BCL2: variants seen among roughly 807,000 people sequenced by gnomAD.
The protein encoded by BCL2 is BCL2 apoptosis regulator, also known as apoptosis regulator Bcl-2.
BCL2 carries 1 observed loss-of-function variant against 14.2 expected under a neutral mutation model. The observed-to-expected ratio is 0.07, with a 90% CI of 0.02 to 0.33. BCL2 has a LOEUF of 0.33. BCL2 is among the 10% of genes least tolerant of loss of function. The pLI is 0.99. For synonymous variants in BCL2, 151 were observed against 137.2 expected, an observed-to-expected ratio of 1.10 and a Z score of -0.70; for missense variants, 247 against 305.9, an observed-to-expected ratio of 0.81 and a Z score of 1.44.
intron 2 of BCL2, among the ~76,000 whole-genome samples, chr18:63,169,307 T>TTC (rs1915142189): frequency 1.6e-4 from 12 of 73,994 alleles, no homozygotes; most frequent in Non-Finnish European, 2.4e-4. Context: ...TTTCTTTCTT[T>TTC]CTTCCTTCCT....
At chr18:63,242,011 C>A (rs1272135689) in intron 2 of BCL2, among the ~76,000 whole-genome samples, 2 of 152,180 alleles carry the variant, frequency 1.3e-5, no homozygotes, top group Non-Finnish European at 2.9e-5. Context: ...CCAATGAGCA[C>A]CCCGGCTGAC....
intron 2 of BCL2, among the ~76,000 whole-genome samples, chr18:63,249,683 C>T (rs1413267332): frequency 1.4e-5 from 2 of 138,868 alleles, no homozygotes; most frequent in Admixed American, 1.5e-4. Context: ...GCACTCCAGC[C>T]TGGGTGACAG....
In BCL2 at chr18:63,234,159, T is replaced by C. The variant is rs138713496; in HGVS notation, c.585+83923A>G. On this transcript the variant is annotated intron_variant, in intron 2 of 2. Coordinates refer to ENST00000333681, the MANE Select transcript of BCL2 (RefSeq NM_000633.3). ...TAGTTACATAGGTAAACGTGTGCCA[T>C]GGTGGTTTGCTGCACCTATCAACCC... 4.0e-3 allele frequency among the ~76,000 whole-genome samples: 611 copies of C among 152,296 alleles called. 28 individuals carry two copies. Among genetic ancestry groups the C allele is most frequent in the Non-Finnish European group, 4.1e-4 (28 of 68,018 alleles).
intron 2 of BCL2, among the ~76,000 whole-genome samples, chr18:63,298,391 C>G (rs538883523): frequency 8.5e-5 from 13 of 152,202 alleles, no homozygotes; most frequent in Non-Finnish European, 1.8e-4. Flanking sequence ...AGGGCTTCGA[C>G]TCCTAAAGCA....
intron 2 of BCL2, among the ~76,000 whole-genome samples, chr18:63,251,599 C>T (rs1224252425): frequency 1.3e-5 from 2 of 150,168 alleles, no homozygotes; most frequent in African/African-American, 2.4e-5. Context: ...GAGCCGAGAT[C>T]CCGCCACTGC....
intron 2 of BCL2, among the ~76,000 whole-genome samples, chr18:63,177,161 C>G (rs1162110234): frequency 6.6e-6 from 1 of 151,986 alleles, no homozygotes; most frequent in Non-Finnish European, 1.5e-5. Flanking sequence ...AAGTAATTCA[C>G]CCGCTTCCAT....
intron 2 of BCL2, among the ~76,000 whole-genome samples, chr18:63,262,787 A>T (rs1350191265): frequency 1.3e-5 from 2 of 152,194 alleles, no homozygotes; most frequent in Non-Finnish European, 2.9e-5. Flanking sequence ...AGTACATCAG[A>T]ATTTGACAGA....
chr18:63,184,343 A>C (rs1915542813), intron 2 of BCL2, among the ~76,000 whole-genome samples: 1 of 152,260 alleles, frequency 6.6e-6, no homozygotes, highest in South Asian at 2.1e-4. Flanking sequence ...TGGGCTGGCC[A>C]GGCAAGCATG....
chr18:63,261,108 T>C (rs8088662), intron 2 of BCL2, among the ~76,000 whole-genome samples: 118,273 of 152,082 alleles, frequency 0.78, 46,976 homozygotes, highest in South Asian at 0.97. Flanking sequence ...TTTTTATTTC[T>C]GCTTGACTTT....
At chr18:63,273,827 G>A (rs1188575519) in intron 2 of BCL2, among the ~76,000 whole-genome samples, 3 of 152,292 alleles carry the variant, frequency 2.0e-5, no homozygotes, top group Admixed American at 2.0e-4. Flanking sequence ...GGTGGCAAAT[G>A]AAGGTGGCAT....
At chr18:63,281,708 G>T (rs1887148117) in intron 2 of BCL2, among the ~76,000 whole-genome samples, 1 of 142,014 alleles carries the variant, frequency 7.0e-6, no homozygotes, top group Non-Finnish European at 1.6e-5. Flanking sequence ...AAGAAAGAAA[G>T]AAAGAAAGAA....
At chr18:63,137,769 A>G (rs959617906) in intron 2 of BCL2, among the ~76,000 whole-genome samples, 2 of 152,184 alleles carry the variant, frequency 1.3e-5, no homozygotes, top group African/African-American at 4.8e-5. Context: ...TGTCAAGGAG[A>G]CTGCTGCTAT....
intron 2 of BCL2, among the ~76,000 whole-genome samples, chr18:63,284,532 G>C (rs1300026734): frequency 6.6e-6 from 1 of 152,200 alleles, no homozygotes. Context: ...GGCAGACTTT[G>C]CCTGGCATGT....
intron 2 of BCL2, among the ~76,000 whole-genome samples, chr18:63,261,976 C>A (rs1489032453): frequency 6.6e-6 from 1 of 152,114 alleles, no homozygotes; most frequent in Non-Finnish European, 1.5e-5. Flanking sequence ...GACAATGTTT[C>A]CCCATGTTGG....
At chr18:63,264,549 A>C (rs1480362550) in intron 2 of BCL2, among the ~76,000 whole-genome samples, 1 of 152,214 alleles carries the variant, frequency 6.6e-6, no homozygotes, top group East Asian at 1.9e-4. Context: ...GACAGATAAA[A>C]GCCAGGAAAT....
At chr18:63,238,285 G>C (rs1260667462) in intron 2 of BCL2, among the ~76,000 whole-genome samples, 1 of 152,228 alleles carries the variant, frequency 6.6e-6, no homozygotes, top group Non-Finnish European at 1.5e-5. Context: ...CAGGAATGCA[G>C]TGATGTGGGC....
chr18:63,254,250 A>AGTTCCTTCTTCCTGTCCAGG (rs1402290949), intron 2 of BCL2, among the ~76,000 whole-genome samples: 1 of 152,064 alleles, frequency 6.6e-6, no homozygotes, highest in African/African-American at 2.4e-5. Flanking sequence ...GCTTAGACAG[A>AGTTCCTTCTTCCTGTCCAGG]GTTCCTTCTT....
intron 2 of BCL2, among the ~76,000 whole-genome samples, chr18:63,241,414 C>T (rs574779196): frequency 7.2e-5 from 11 of 152,256 alleles, no homozygotes; most frequent in African/African-American, 1.2e-4. Context: ...TCCTTTAAAG[C>T]GAAAAATTCT....
At chr18:63,176,355 A>G (rs759936730) in intron 2 of BCL2, among the ~76,000 whole-genome samples, 18 of 152,248 alleles carry the variant, frequency 1.2e-4, no homozygotes, top group Non-Finnish European at 2.4e-4. Context: ...GTGGGTGGTC[A>G]GGCACCTGGG....
Sources: gnomAD v4.1 joint callset for allele counts (sites outside exome capture counted in the v4.1 genomes callset) on GRCh38, gnomAD v4.1.1 for gene constraint, MANE v1.5 for transcripts, NCBI Gene and HGNC (gene_info 2026-07-23, HGNC 2026-07-21) for gene names.